CHD5: variants seen among roughly 807,000 people sequenced by gnomAD.
CHD5 encodes the protein ATP-dependent chromatin remodeler CHD5.
CHD5 carries 69 observed loss-of-function variants against 230.3 expected under a neutral mutation model. The observed-to-expected ratio is 0.30, with a 90% CI of 0.25 to 0.37. The LOEUF (loss-of-function observed/expected upper bound fraction) is 0.37, where lower values mean the gene tolerates loss of function less well. Among genes scored for constraint, CHD5 ranks in the 10% least tolerant of loss-of-function variants. CHD5 has a pLI of 1.00. For missense variants in CHD5, 1,827 were observed against 2,622.8 expected, an observed-to-expected ratio of 0.70 and a Z score of 6.63; for synonymous variants, 1,064 against 1,065.9, an observed-to-expected ratio of 1.00 and a Z score of 0.03.
rs1363216674 is a variant in CHD5 at position 6,128,966 on chromosome 1, C to T, written c.3491G>A (p.Arg1164His). The T allele has an allele frequency of 9.3e-6, 15 of 1,612,808 alleles. No individual in the cohort carries two copies. The highest frequency in any genetic ancestry group is 5.0e-5 in the Admixed American group (3 of 60,010). ...CACCAGGTGGGTGAGCATCATCTTG[C>T]GCTTGGCCACCTGCGTGATGCGCTC... Reference protein sequence around the residue: ...VEERITQVAKRKMMLTHLVVR... With the variant: ...VEERITQVAKHKMMLTHLVVR... The change falls in exon 23 of 42, where the codon CGC becomes CAC. Residue 1164 changes from arginine (R) to histidine (H), a missense_variant. Around this residue, in one of 14 missense-constraint regions of CHD5, gnomAD observed 81 missense variants for 245.4 expected, o/e 0.33. Coordinates refer to ENST00000262450, the MANE Select transcript of CHD5 (RefSeq NM_015557.3). This position sits in a 1 kb window ranked among gnomAD's most constrained non-coding sequence, Gnocchi z 7.8.
intron 36 of CHD5, among the ~76,000 whole-genome samples, chr1:6,111,260 G>A (rs1442233249): frequency 6.0e-5 from 9 of 149,908 alleles, no homozygotes; most frequent in Admixed American, 5.3e-4. Flanking sequence ...AAGGCCGGGT[G>A]TGGTGGCTGA....
chr1:6,110,604 G>T, intron 36 of CHD5, 78 bp from the exon 37 acceptor site: 8 of 1,350,128 alleles, frequency 5.9e-6, no homozygotes, highest in Non-Finnish European at 7.2e-6. Context: ...CAGGGAGGGG[G>T]AGGGGCCAGC....
In CHD5 at chr1:6,144,062, G is replaced by C. The variant is rs761236468; in HGVS notation, c.1896C>G (p.Pro632=). ...CTWEIDDIDI[P]YYDNLKQAYW... ...AGGCCTGCTTGAGGTTGTCGTAGTA[G>C]GGGATGTCGATGTCATCGATCTCCC... Residue 632 remains proline, a synonymous_variant, in exon 12 of 42, where the codon CCC becomes CCG. Coordinates refer to ENST00000262450, the MANE Select transcript of CHD5 (RefSeq NM_015557.3). 1 of 1,614,188 alleles carries C rather than the reference G, an allele frequency of 6.2e-7. No homozygotes were observed. Among genetic ancestry groups the C allele is most frequent in the South Asian group, 1.1e-5 (1 of 91,088 alleles).
intron 15 of CHD5, among the ~76,000 whole-genome samples, chr1:6,139,461 TC>T (rs2100854740): frequency 1.3e-5 from 2 of 151,996 alleles, no homozygotes; most frequent in African/African-American, 4.8e-5. Flanking sequence ...GGTCTCAAAC[TC>T]CTGACTTCAG....
intron 29 of CHD5, among the ~76,000 whole-genome samples, chr1:6,124,886 C>A (rs1666529735): frequency 2.6e-5 from 4 of 152,234 alleles, no homozygotes. Context: ...GCCATAACAC[C>A]AGCTGGTTTG....
intron 40 of CHD5, 44 bp downstream of exon 40, chr1:6,106,351 G>C (rs766553024): frequency 7.4e-6 from 12 of 1,611,396 alleles, no homozygotes; most frequent in Non-Finnish European, 1.0e-5. Flanking sequence ...GCCGGGCCCG[G>C]CGGGCACCCG....
rs1666536314 is a variant in CHD5, at chr1:6,125,256, T to G, written c.4261-23A>C. On this transcript the variant is annotated intron_variant, in intron 28 of 41. Coordinates refer to ENST00000262450, the MANE Select transcript of CHD5 (RefSeq NM_015557.3). The surrounding 1 kb of genome is among the most constrained non-coding windows in gnomAD (Gnocchi z 6.7). Reference sequence around the variant, plus strand: ...CACCTGGGCGAGTGGAGCGTGGGAGTATGAGCCCAGGACAGAGAGGGGTGG... The same window carrying G: ...CACCTGGGCGAGTGGAGCGTGGGAGGATGAGCCCAGGACAGAGAGGGGTGG... 1 of 1,571,726 alleles carries G rather than the reference T, an allele frequency of 6.4e-7. No individual in the cohort carries two copies. Among genetic ancestry groups the G allele is most frequent in the Non-Finnish European group, 8.6e-7 (1 of 1,167,638 alleles).
intron 6 of CHD5, 28 bp from the exon 7 acceptor site, chr1:6,151,183 C>A (rs772246201): frequency 1.9e-6 from 3 of 1,585,384 alleles, no homozygotes; most frequent in Non-Finnish European, 2.6e-6. Flanking sequence ...GTCCTGTGAT[C>A]CCAGGGCTTC....
At chr1:6,112,087 G>A in intron 35 of CHD5, 53 bp downstream of exon 35, 6 of 1,592,314 alleles carry the variant, frequency 3.8e-6, no homozygotes, top group Non-Finnish European at 5.1e-6. Flanking sequence ...CTAGACTCCT[G>A]GGACCCACAG....
rs1410142315 is a variant in CHD5, at chr1:6,105,825, G to A, written c.*47-398C>T. On this transcript the variant is annotated intron_variant, in intron 41 of 41. Transcript: ENST00000262450. The surrounding 1 kb of genome is among the most constrained non-coding windows in gnomAD (Gnocchi z 4.8). ...CCCTCAGCCACCCTCCTGGTCCTGG[G>A]CAGGAAGTGAGGGTGTAAGACAAGA... Among the ~76,000 whole-genome samples the A allele has an allele frequency of 1.3e-5, 2 of 152,372 alleles. No homozygotes were observed. The highest frequency in any genetic ancestry group is 3.9e-4 in the East Asian group (2 of 5,190).
intron 2 of CHD5, among the ~76,000 whole-genome samples, chr1:6,164,090 C>A (rs1355266978): frequency 1.3e-5 from 2 of 152,238 alleles, no homozygotes; most frequent in African/African-American, 4.8e-5. Context: ...CCCTGGGGAT[C>A]CCAATGGACA....
At chr1:6,161,733 G>A (rs555174750) in intron 2 of CHD5, among the ~76,000 whole-genome samples, 73 of 152,170 alleles carry the variant, frequency 4.8e-4, no homozygotes, top group Non-Finnish European at 7.9e-4. Flanking sequence ...TCAAGAGACC[G>A]CCCTTCAGGA....
chr1:6,180,170 CA>C lies in CHD5; in HGVS notation c.-148del, dbSNP rs2100894658. On this transcript the variant is annotated 5_prime_UTR_variant, in exon 1 of 42. Transcript: ENST00000262450. Reference sequence around the variant, plus strand: ...GCGGCCGCCTGCCCCCCCACCCCCCCAAACCTCCACCCCCCCGTCTCGACCC... The same window carrying C: ...GCGGCCGCCTGCCCCCCCACCCCCCCAACCTCCACCCCCCCGTCTCGACCC... 1 of 178,344 alleles carries C rather than the reference CA, an allele frequency of 5.6e-6. No homozygotes were observed. The highest frequency in any genetic ancestry group is 1.2e-4 in the East Asian group (1 of 8,114). The allele number at this position is 178,344 out of a possible 1,614,324, so 11.0% of individuals were successfully genotyped here.
rs780638490 is a variant in CHD5, at chr1:6,124,544, G to A, written c.4512C>T (p.Ile1504=). ...TCTTCCTAACTAGTGACATGACCCCGATGCGGGTCAGCACGTGCTGCCTGG... is the reference window on the plus strand; with the variant it reads ...TCTTCCTAACTAGTGACATGACCCCAATGCGGGTCAGCACGTGCTGCCTGG... The part of the protein sequence containing the change: ...GLSRQHVLTR[I]GVMSLVRKKV... Residue 1504 remains isoleucine (I), a synonymous_variant, in exon 30 of 42, where the codon ATC becomes ATT. Transcript: ENST00000262450. 25 of 1,613,956 alleles carry A rather than the reference G, an allele frequency of 1.5e-5. No homozygotes were observed. The highest frequency in any genetic ancestry group is 1.6e-4 in the Middle Eastern group (1 of 6,062).
intron 2 of CHD5, among the ~76,000 whole-genome samples, chr1:6,163,977 T>C (rs1211270455): frequency 6.6e-6 from 1 of 152,214 alleles, no homozygotes; most frequent in African/African-American, 2.4e-5. Flanking sequence ...CAAAGCTGCC[T>C]TGAATGTTAT....
Position 6,146,546 on chromosome 1 carries a change from C to T in CHD5, c.1590+119G>A. 1 of 1,389,906 alleles carries T rather than the reference C, an allele frequency of 7.2e-7. No individual in the cohort carries two copies. Among genetic ancestry groups the T allele is most frequent in the Non-Finnish European group, 1.0e-6 (1 of 986,688 alleles). 86.1% of individuals were successfully genotyped at this position (1,389,906 alleles called of 1,614,324 possible). On this transcript the variant is annotated intron_variant, in intron 10 of 41. Coordinates refer to ENST00000262450, the MANE Select transcript of CHD5 (RefSeq NM_015557.3). This position sits in a 1 kb window ranked among gnomAD's most constrained non-coding sequence, Gnocchi z 5.1. ...AGGACAATCCTCCCGCTCAGCACCA[C>T]CCCAACTCCCAACAGCACCCCTCAG...
In CHD5 at chr1:6,151,403, CA is replaced by C. The variant is rs1667006072; in HGVS notation, c.871-249del. 2.0e-5 allele frequency among the ~76,000 whole-genome samples: 3 copies of C among 152,342 alleles called. 1 individual carries two copies. Among genetic ancestry groups the C allele is most frequent in the African/African-American group, 7.2e-5 (3 of 41,588 alleles). ...ACTTCCCACAATTTCCACCTCTGAA[CA>C]GCTTCCCAGGCCTTGCCCTCCATCC... is the stretch of plus-strand genomic sequence containing the variant. On this transcript the variant is annotated intron_variant, in intron 6 of 41. Coordinates refer to ENST00000262450, the MANE Select transcript of CHD5 (RefSeq NM_015557.3).
rs112110030 is a variant in CHD5, at chr1:6,147,930, C to T, written c.1383+924G>A. 2.3e-3 allele frequency among the ~76,000 whole-genome samples: 352 copies of T among 152,144 alleles called. 1 individual carries two copies. Among genetic ancestry groups the T allele is most frequent in the South Asian group, 9.1e-3 (44 of 4,828 alleles). ...GAAGAGGGGACCCTTCCTACCCAGG[C>T]CATGGACCCTCCTACCCCCATCCCA... On this transcript the variant is annotated intron_variant, in intron 9 of 41. Coordinates refer to ENST00000262450, the MANE Select transcript of CHD5 (RefSeq NM_015557.3).
chr1:6,129,006 G>A lies in CHD5; in HGVS notation c.3451C>T (p.Arg1151Trp), dbSNP rs775003471. The change falls in exon 23 of 42, where the codon CGG (arginine) becomes TGG (tryptophan). Residue 1151 changes from arginine (R) to tryptophan (W), a missense_variant. By Grantham distance (101) the Arg-to-Trp change is moderately radical (BLOSUM62 -3). Transcript: ENST00000262450. The surrounding 1 kb of genome is among the most constrained non-coding windows in gnomAD (Gnocchi z 6.8). ...GTGATGCGCTCCTCCACCGAGGCCC[G>A]AGTCACGAAGCGGTAGATCATCACC... Reference protein sequence around the residue: ...KKVMIYRFVTRASVEERITQV... With the variant: ...KKVMIYRFVTWASVEERITQV... The A allele has an allele frequency of 2.5e-6, 4 of 1,611,724 alleles. No individual in the cohort carries two copies. The highest frequency in any genetic ancestry group is 3.4e-6 in the Non-Finnish European group (4 of 1,179,840).
Sources: gnomAD v4.1 joint callset for allele counts (sites outside exome capture counted in the v4.1 genomes callset) on GRCh38, gnomAD v4.1.1 for gene constraint, gnomAD v4.1.1 regional missense constraint, Gnocchi (gnomAD v3.1) non-coding constraint, MANE v1.5 for transcripts, NCBI Gene and HGNC (gene_info 2026-07-23, HGNC 2026-07-21) for gene names.